Variants in PTPRT observed in about 807,000 individuals in gnomAD.
The protein encoded by PTPRT is receptor-type tyrosine-protein phosphatase T.
In PTPRT, 56 loss-of-function variants were observed where a neutral mutation model predicts 176.8. That is an observed-to-expected ratio of 0.32 (90% CI 0.26 to 0.40). The LOEUF (loss-of-function observed/expected upper bound fraction) is 0.40. Among genes scored for constraint, PTPRT ranks in the 10% least tolerant of loss-of-function variants. The pLI, the probability that PTPRT is intolerant of heterozygous loss-of-function variation, is 1.00. For synonymous variants in PTPRT, 783 were observed against 739.0 expected (o/e 1.06, Z -0.96); for missense variants, 1,540 against 1,908.2 (o/e 0.81, Z 3.60).
intron 6 of PTPRT, among the ~76,000 whole-genome samples, chr20:42,733,890 T>C (rs1475551165): frequency 6.6e-6 from 1 of 152,112 alleles, no homozygotes; most frequent in East Asian, 1.9e-4. Context: ...CTTGGCCAGG[T>C]GCTCTGGCAA....
At chr20:43,015,687 C>A (rs1985332600) in intron 1 of PTPRT, among the ~76,000 whole-genome samples, 1 of 152,072 alleles carries the variant, frequency 6.6e-6, no homozygotes. Context: ...AATCAGATAT[C>A]CTGGGCTAGA....
intron 2 of PTPRT, among the ~76,000 whole-genome samples, chr20:42,803,733 T>C (rs2077564385): frequency 6.6e-6 from 1 of 152,194 alleles, no homozygotes; most frequent in South Asian, 2.1e-4. Flanking sequence ...TTTGTATTTT[T>C]AGTAGAGACA....
Position 42,732,877 on chromosome 20 carries a change from A to G in PTPRT, c.859+23585T>C, listed in dbSNP as rs537766175. On this transcript the variant is annotated intron_variant, in intron 6 of 30. Transcript: ENST00000373187. ...GGAATGCAGATGTTCATATTTTAAT[A>G]CACTACAAAAGATCCCTGGATACTT... Among the ~76,000 whole-genome samples the G allele has an allele frequency of 3.3e-5, 5 of 152,354 alleles. 1 individual carries two copies. The South Asian group carries it at 1.0e-3, about 32-fold the overall frequency.
chr20:42,345,501 T>C (rs957299312), intron 11 of PTPRT, among the ~76,000 whole-genome samples: 1 of 148,858 alleles, frequency 6.7e-6, no homozygotes, highest in African/African-American at 2.5e-5. Context: ...CACATATATA[T>C]AAAACTAGTT....
intron 13 of PTPRT, among the ~76,000 whole-genome samples, chr20:42,266,808 A>T (rs1170463120): frequency 6.6e-6 from 1 of 152,170 alleles, no homozygotes; most frequent in East Asian, 1.9e-4. Context: ...TAGATGTGTT[A>T]CCTCTTGATC....
chr20:42,558,183 CTA>C (rs1377917759), intron 7 of PTPRT, among the ~76,000 whole-genome samples: 57 of 152,236 alleles, frequency 3.7e-4, no homozygotes, highest in Non-Finnish European at 2.9e-5. Flanking sequence ...TTGTTCCCCT[CTA>C]TGTGTCCATG....
At chr20:42,400,707 A>G (rs2058897181) in intron 9 of PTPRT, among the ~76,000 whole-genome samples, 1 of 152,182 alleles carries the variant, frequency 6.6e-6, no homozygotes, top group African/African-American at 2.4e-5. Flanking sequence ...ATGTTCAGGA[A>G]AAAGAAGAGA....
chr20:42,310,271 C>G (rs1398629166), intron 12 of PTPRT, among the ~76,000 whole-genome samples: 1 of 151,908 alleles, frequency 6.6e-6, no homozygotes, highest in Non-Finnish European at 1.5e-5. Flanking sequence ...ATGAGCCTAT[C>G]AGAGAAAAGG....
In PTPRT at chr20:42,203,029, A is replaced by C. The variant is rs146566201; in HGVS notation, c.2343-3641T>G. Among the ~76,000 whole-genome samples, 961 of 152,330 alleles carry C rather than the reference A, an allele frequency of 6.3e-3. 4 individuals are homozygous for C. Among genetic ancestry groups the C allele is most frequent in the Middle Eastern group, 0.02 (6 of 294 alleles). On this transcript the variant is annotated intron_variant, in intron 15 of 30. Transcript: ENST00000373187. ...GCTAACTGAATTGTAAAAATATCAG[A>C]TATATTACATCCTTAGTATTTAAAG...
At chr20:42,145,653 C>T (rs141087044) in intron 17 of PTPRT, among the ~76,000 whole-genome samples, 2 of 152,298 alleles carry the variant, frequency 1.3e-5, no homozygotes, top group East Asian at 3.9e-4. Context: ...GGAATTAGTG[C>T]TCATTCTGCT....
intron 2 of PTPRT, among the ~76,000 whole-genome samples, chr20:42,821,621 GTC>G (rs985278478): frequency 2.6e-5 from 4 of 152,104 alleles, no homozygotes; most frequent in African/African-American, 9.7e-5. Flanking sequence ...AAGTCAAGTT[GTC>G]TCTGTTTGCA....
the PTPRT span, among the ~76,000 whole-genome samples, chr20:42,051,539 G>C: frequency 6.6e-6 from 1 of 152,184 alleles, no homozygotes; most frequent in Non-Finnish European, 1.5e-5. Context: ...AACCTAGGCA[G>C]GTCCCCCAGT....
At chr20:42,778,841 T>C (rs533542296) in intron 4 of PTPRT, among the ~76,000 whole-genome samples, 8 of 152,218 alleles carry the variant, frequency 5.3e-5, no homozygotes, top group East Asian at 1.9e-4. Flanking sequence ...TCTGGGTCAA[T>C]AGAAACATTT....
intron 2 of PTPRT, among the ~76,000 whole-genome samples, chr20:42,859,542 T>C (rs763252704): frequency 6.6e-6 from 1 of 152,042 alleles, no homozygotes; most frequent in Admixed American, 6.5e-5. Context: ...TTTTTGCACA[T>C]ATAATGCACA....
intron 9 of PTPRT, among the ~76,000 whole-genome samples, chr20:42,420,160 G>T (rs1425185235): frequency 6.6e-6 from 1 of 152,160 alleles, no homozygotes; most frequent in African/African-American, 2.4e-5. Flanking sequence ...ATATCGGGTT[G>T]CTATGTCTGT....
intron 1 of PTPRT, among the ~76,000 whole-genome samples, chr20:42,934,297 A>T (rs1393851304): frequency 6.6e-6 from 1 of 152,264 alleles, no homozygotes; most frequent in Non-Finnish European, 1.5e-5. Flanking sequence ...AAACAACAAG[A>T]GTAAAGGGAA....
At chr20:42,966,779 G>A (rs1225194410) in intron 1 of PTPRT, among the ~76,000 whole-genome samples, 4 of 152,310 alleles carry the variant, frequency 2.6e-5, no homozygotes, top group African/African-American at 9.6e-5. Context: ...CATTGTACGT[G>A]ATCATCAGGC....
chr20:42,265,203 T>C (rs965513149), intron 13 of PTPRT, among the ~76,000 whole-genome samples: 1 of 152,156 alleles, frequency 6.6e-6, no homozygotes, highest in Non-Finnish European at 1.5e-5. Flanking sequence ...CATCCTGCCA[T>C]GGTATTTCCC....
chr20:42,835,618 A>G (rs2078168164), intron 2 of PTPRT, among the ~76,000 whole-genome samples: 2 of 152,140 alleles, frequency 1.3e-5, no homozygotes, highest in South Asian at 4.1e-4. Context: ...TACTTTTAAA[A>G]CTGTTCTAGA....
Sources: gnomAD v4.1 joint callset for allele counts (sites outside exome capture counted in the v4.1 genomes callset) on GRCh38, gnomAD v4.1.1 for gene constraint, MANE v1.5 for transcripts, NCBI Gene and HGNC (gene_info 2026-07-23, HGNC 2026-07-21) for gene names.